SATB1: variants seen among roughly 807,000 people sequenced by gnomAD.
The protein encoded by SATB1 is SATB homeobox 1.
SATB1 carries 11 observed loss-of-function variants against 86.9 expected under a neutral mutation model. The observed-to-expected ratio is 0.13, with a 90% CI of 0.08 to 0.21. The LOEUF is 0.21. Ranked by LOEUF, SATB1 falls within the 10% of genes least tolerant of loss-of-function variation. The pLI is 1.00. For missense variants in SATB1, 551 were observed against 937.6 expected (o/e 0.59, Z 5.39); for synonymous variants, 357 against 357.2 (o/e 1.00, Z 0.01).
chr3:18,372,795 G>A (rs1233182469), intron 9 of SATB1, among the ~76,000 whole-genome samples: 4 of 152,058 alleles, frequency 2.6e-5, no homozygotes, highest in East Asian at 1.9e-4. Context: ...ATATATCAAC[G>A]TTTTAGAAAA....
chr3:18,374,868 T>C (rs929463946), intron 9 of SATB1, among the ~76,000 whole-genome samples: 1 of 152,214 alleles, frequency 6.6e-6, no homozygotes, highest in Non-Finnish European at 1.5e-5. Context: ...CATTTGGGTA[T>C]AGTGCTATAT....
intron 5 of SATB1, 70 bp downstream of exon 5, chr3:18,415,041 G>T: frequency 6.4e-7 from 1 of 1,567,280 alleles, no homozygotes; most frequent in South Asian, 1.2e-5. Context: ...TTAAACCAGG[G>T]AGCTCCATCA....
rs137922636 is a variant in SATB1, at chr3:18,416,886, C to T, written c.388+16G>A. On this transcript the variant is annotated intron_variant, in intron 3 of 10. Transcript: ENST00000338745. ...ATGCTAAGCAATTTTTCCAACCCCA[C>T]GTACACATTATTTACCTTTGGCCTG... 1,485 of 1,586,282 alleles carry T rather than the reference C, an allele frequency of 9.4e-4. 12 individuals carry two copies. In the African/African-American group the frequency reaches 0.012, roughly 13 times the overall value.
chr3:18,369,877 G>C (rs2125167384), intron 9 of SATB1, among the ~76,000 whole-genome samples: 1 of 152,302 alleles, frequency 6.6e-6, no homozygotes, highest in African/African-American at 2.4e-5. Context: ...TGACAGATCT[G>C]ATTAAGCCGG....
At chr3:18,395,147 G>C (rs1002901865) in intron 6 of SATB1, among the ~76,000 whole-genome samples, 5 of 152,120 alleles carry the variant, frequency 3.3e-5, no homozygotes, top group African/African-American at 1.2e-4. Context: ...TTTTTAAAAA[G>C]TGGTTTAGAT....
chr3:18,378,063 G>C (rs1360626270), intron 9 of SATB1, 107 bp downstream of exon 9: 1 of 891,940 alleles, frequency 1.1e-6, no homozygotes, highest in Non-Finnish European at 1.7e-6. Flanking sequence ...CCTAGACACA[G>C]AGGCCTCTCC....
At chr3:18,391,371 T>A (rs1696659294) in intron 7 of SATB1, among the ~76,000 whole-genome samples, 1 of 120,430 alleles carries the variant, frequency 8.3e-6, no homozygotes, top group African/African-American at 3.1e-5. Context: ...ATGTACATAT[T>A]TTACATTAAT....
chr3:18,414,866 C>G (rs530134831), intron 5 of SATB1: 1 of 384,288 alleles, frequency 2.6e-6, no homozygotes, highest in Admixed American at 4.3e-5. Flanking sequence ...CCAGCGGAGT[C>G]TTCCACTGAA....
At chr3:18,383,258 C>T (rs940361810) in intron 8 of SATB1, among the ~76,000 whole-genome samples, 8 of 152,112 alleles carry the variant, frequency 5.3e-5, no homozygotes, top group African/African-American at 1.7e-4. Context: ...CTAGGTGTCC[C>T]CAGGTGGGGT....
At chr3:18,412,381 C>T (rs906891228) in intron 5 of SATB1, among the ~76,000 whole-genome samples, 12 of 152,176 alleles carry the variant, frequency 7.9e-5, no homozygotes, top group Admixed American at 2.0e-4. Flanking sequence ...CAGTTCCACT[C>T]CTCCTGGCCC....
At chr3:18,405,796 C>A (rs1197577994) in intron 5 of SATB1, among the ~76,000 whole-genome samples, 1 of 151,958 alleles carries the variant, frequency 6.6e-6, no homozygotes, top group East Asian at 1.9e-4. Flanking sequence ...AGACTGAGGG[C>A]TAAACCGCAG....
intron 9 of SATB1, among the ~76,000 whole-genome samples, chr3:18,370,229 G>A (rs890346935): frequency 4.6e-5 from 7 of 152,106 alleles, no homozygotes; most frequent in East Asian, 3.9e-4. Flanking sequence ...GATAAGCAGC[G>A]CTGGACTTTT....
At chr3:18,400,787 A>G (rs949807799) in intron 5 of SATB1, among the ~76,000 whole-genome samples, 1 of 152,190 alleles carries the variant, frequency 6.6e-6, no homozygotes, top group African/African-American at 2.4e-5. Context: ...TATCAGATAA[A>G]ATTTTCAAAT....
intron 5 of SATB1, among the ~76,000 whole-genome samples, chr3:18,397,853 C>G (rs774385829): frequency 6.6e-6 from 1 of 152,186 alleles, no homozygotes; most frequent in Non-Finnish European, 1.5e-5. Context: ...AGAACTTGCA[C>G]TTTCCACTCT....
chr3:18,384,298 A>G lies in SATB1; in HGVS notation c.1419+2101T>C, dbSNP rs1575120040. Among the ~76,000 whole-genome samples the G allele has an allele frequency of 2.6e-5, 4 of 152,358 alleles. No individual in the cohort carries two copies. In the South Asian group the frequency reaches 8.3e-4, roughly 32 times the overall value. On this transcript the variant is annotated intron_variant, in intron 8 of 10. Transcript: ENST00000338745. ...GTATCTTAACAGCATATGAAAAGAA[A>G]TATCACTTAATAAGAATTGGTATAA...
intron 5 of SATB1, chr3:18,409,458 A>G (rs1697717600): frequency 6.6e-6 from 1 of 152,088 alleles, no homozygotes; most frequent in Admixed American, 6.6e-5. Context: ...AACTAGAATG[A>G]TGTCATGACT....
At chr3:18,382,885 G>A (rs371263028) in intron 8 of SATB1, among the ~76,000 whole-genome samples, 133 of 152,306 alleles carry the variant, frequency 8.7e-4, no homozygotes, top group African/African-American at 3.1e-3. Flanking sequence ...GTAGAGGAAG[G>A]AGCAAGAGAC....
chr3:18,367,365 A>G (rs1377970277), intron 9 of SATB1, among the ~76,000 whole-genome samples: 4 of 152,232 alleles, frequency 2.6e-5, no homozygotes, highest in Admixed American at 6.5e-5. Flanking sequence ...TGGGTCCAGA[A>G]GAAAACAACA....
intron 10 of SATB1, chr3:18,351,167 G>GGCT: frequency 1.4e-6 from 1 of 692,720 alleles, no homozygotes; most frequent in Non-Finnish European, 2.6e-6. Context: ...CAAAGCATAA[G>GGCT]GCTGCATCTG....
Sources: gnomAD v4.1 joint callset for allele counts (sites outside exome capture counted in the v4.1 genomes callset) on GRCh38, gnomAD v4.1.1 for gene constraint, MANE v1.5 for transcripts, NCBI Gene and HGNC (gene_info 2026-07-23, HGNC 2026-07-21) for gene names.